Variants in ADGRV1 observed in about 807,000 individuals in gnomAD.
ADGRV1 encodes G-protein coupled receptor 98.
Under a neutral mutation model 596.2 loss-of-function variants are expected in ADGRV1, and 359 were observed. The ratio of observed to expected loss-of-function variants is 0.60; its 90% confidence interval spans 0.55 to 0.66. The LOEUF (loss-of-function observed/expected upper bound fraction) is 0.66. Among genes scored for constraint, ADGRV1 ranks in the 30% least tolerant of loss-of-function variants. The pLI, the probability that ADGRV1 is intolerant of heterozygous loss-of-function variation, is 0.00. For missense variants in ADGRV1, 7,274 were observed against 7,575.6 expected, an observed-to-expected ratio of 0.96 and a Z score of 1.48; for synonymous variants, 2,681 against 2,679.2, an observed-to-expected ratio of 1.00 and a Z score of -0.02.
At chr5:90,768,296 C>T (rs1038365826) in intron 59 of ADGRV1, among the ~76,000 whole-genome samples, 2 of 152,114 alleles carry the variant, frequency 1.3e-5, no homozygotes, top group Non-Finnish European at 2.9e-5. Context: ...AACTGTGTAA[C>T]GGCTCCATTG....
chr5:90,823,536 C>G lies in ADGRV1; in HGVS notation c.16308C>G (p.Thr5436=), dbSNP rs137853917. The part of the protein sequence containing the change: ...LVEELQSVSG[T]TTCTMGQTKC... The stretch of plus-strand genomic sequence containing the variant: ...AGGAACTTCAGTCTGTGTCAGGGAC[C>G]ACAACCTGTACAATGGGTCAAACAA... Residue 5436 remains threonine (T), a synonymous_variant, in exon 76 of 90, where the codon ACC becomes ACG. Coordinates refer to ENST00000405460, the MANE Select transcript of ADGRV1 (RefSeq NM_032119.4). 1.9e-6 allele frequency: 3 copies of G among 1,613,772 alleles called. No homozygotes were observed. Among genetic ancestry groups the G allele is most frequent in the African/African-American group, 1.3e-5 (1 of 74,922 alleles).
chr5:90,740,847 G>A (rs1753871041), intron 50 of ADGRV1, among the ~76,000 whole-genome samples: 1 of 152,172 alleles, frequency 6.6e-6, no homozygotes, highest in African/African-American at 2.4e-5. Context: ...TCTCTTGTGT[G>A]CCGGACTGTG....
chr5:90,823,515 A>G lies in ADGRV1; in HGVS notation c.16287A>G (p.Glu5429=). 6.2e-7 allele frequency: 1 copy of G among 1,613,914 alleles called. No individual in the cohort carries two copies. Among genetic ancestry groups the G allele is most frequent in the Non-Finnish European group, 8.5e-7 (1 of 1,179,798 alleles). Residue 5429 remains glutamate (E), a synonymous_variant, in exon 76 of 90, where the codon GAA becomes GAG. Transcript: ENST00000405460. The part of the protein sequence containing the change: ...LQKDGVNLVE[E]LQSVSGTTTC... ...AGGATGGGGTAAACCTGGTGGAGGAACTTCAGTCTGTGTCAGGGACCACAA... is the reference window on the plus strand; with the variant it reads ...AGGATGGGGTAAACCTGGTGGAGGAGCTTCAGTCTGTGTCAGGGACCACAA...
chr5:90,777,030 A>G (rs747725561), intron 61 of ADGRV1, among the ~76,000 whole-genome samples: 12 of 152,176 alleles, frequency 7.9e-5, no homozygotes, highest in Admixed American at 4.6e-4. Context: ...ACTGCTATAA[A>G]GAACTGCTTG....
At chr5:90,962,739 A>G (rs1778139366) in intron 83 of ADGRV1, among the ~76,000 whole-genome samples, 2 of 152,326 alleles carry the variant, frequency 1.3e-5, no homozygotes, top group South Asian at 4.1e-4. Flanking sequence ...AATTCCCATA[A>G]TTCAGATAAT....
intron 64 of ADGRV1, among the ~76,000 whole-genome samples, chr5:90,780,368 A>G (rs1057384604): frequency 6.6e-6 from 1 of 152,104 alleles, no homozygotes; most frequent in Non-Finnish European, 1.5e-5. Flanking sequence ...TCAATTTTCT[A>G]ATTTTGCCTT....
chr5:90,569,375 ATATATATATATATTTTTTTTTTTTTTTTT>A (rs1354661606), intron 1 of ADGRV1, among the ~76,000 whole-genome samples: 1 of 20,956 alleles, frequency 4.8e-5, no homozygotes, highest in Admixed American at 6.8e-4. Context: ...ATATATATAT[ATATATATATATATTTTTTTTTTTTTTTTT>A]TTTTTTTTTT....
chr5:90,589,219 G>A (rs1471926736), intron 1 of ADGRV1, among the ~76,000 whole-genome samples: 1 of 152,098 alleles, frequency 6.6e-6, no homozygotes, highest in Admixed American at 6.5e-5. Flanking sequence ...GGAAGTCTGA[G>A]GAGTCATTAC....
At chr5:91,156,656 T>C (rs1429446386) in intron 89 of ADGRV1, among the ~76,000 whole-genome samples, 7 of 152,230 alleles carry the variant, frequency 4.6e-5, no homozygotes, top group East Asian at 1.9e-4. Flanking sequence ...TCCTTACTTA[T>C]AGATTTGTAG....
chr5:90,848,983 A>G (rs1458897351), intron 79 of ADGRV1, among the ~76,000 whole-genome samples, 162 bp downstream of exon 79: 1 of 152,248 alleles, frequency 6.6e-6, no homozygotes, highest in Non-Finnish European at 1.5e-5. Context: ...TGAAGGAAAC[A>G]TAGCAGGTAC....
intron 77 of ADGRV1, among the ~76,000 whole-genome samples, chr5:90,835,282 G>T (rs1282616397): frequency 6.6e-6 from 1 of 152,228 alleles, no homozygotes; most frequent in Non-Finnish European, 1.5e-5. Flanking sequence ...TAATGCTGTT[G>T]CTCTTGCAGA....
intron 1 of ADGRV1, among the ~76,000 whole-genome samples, chr5:90,585,515 C>T (rs914459084): frequency 1.3e-5 from 2 of 152,208 alleles, no homozygotes; most frequent in Non-Finnish European, 2.9e-5. Flanking sequence ...TCACCTCCCA[C>T]AGCAGGGCAA....
intron 1 of ADGRV1, among the ~76,000 whole-genome samples, chr5:90,599,628 A>G (rs924405371): frequency 1.3e-5 from 2 of 152,072 alleles, no homozygotes; most frequent in Admixed American, 6.5e-5. Flanking sequence ...TTTTTTATTT[A>G]TAAACTTCTG....
At chr5:90,796,928 A>AT (rs1451316164) in intron 70 of ADGRV1, among the ~76,000 whole-genome samples, 1 of 152,168 alleles carries the variant, frequency 6.6e-6, no homozygotes, top group Admixed American at 6.6e-5. Flanking sequence ...ATGCTGAGAG[A>AT]TTTTGTCACC....
chr5:90,932,900 T>C (rs573888613), intron 83 of ADGRV1, among the ~76,000 whole-genome samples: 1 of 152,290 alleles, frequency 6.6e-6, no homozygotes, highest in East Asian at 1.9e-4. Context: ...ACTTGCTCAG[T>C]GGCATGTGAA....
intron 70 of ADGRV1, among the ~76,000 whole-genome samples, chr5:90,802,394 A>AT (rs1761470335): frequency 6.6e-6 from 1 of 151,692 alleles, no homozygotes; most frequent in East Asian, 1.9e-4. Flanking sequence ...TTTTATTTTT[A>AT]TTTTTTATTT....
intron 53 of ADGRV1, among the ~76,000 whole-genome samples, chr5:90,751,231 C>T (rs1755214637): frequency 6.6e-6 from 1 of 152,130 alleles, no homozygotes; most frequent in South Asian, 2.1e-4. Flanking sequence ...AGTTGATCCA[C>T]AGGCAATTGC....
chr5:91,041,360 A>G (rs772844258), intron 85 of ADGRV1, among the ~76,000 whole-genome samples: 1 of 152,150 alleles, frequency 6.6e-6, no homozygotes, highest in African/African-American at 2.4e-5. Context: ...GCTGGAAACT[A>G]TCATTCTCAG....
At chr5:90,766,714 T>A (rs1757185627) in intron 59 of ADGRV1, among the ~76,000 whole-genome samples, 1 of 152,212 alleles carries the variant, frequency 6.6e-6, no homozygotes. Context: ...AGTTGGTTTC[T>A]GTAACTTGTA....
Sources: allele counts gnomAD v4.1 joint callset (sites outside exome capture counted in the v4.1 genomes callset), GRCh38; gene constraint gnomAD v4.1.1; transcripts MANE v1.5; gene names NCBI Gene and HGNC (gene_info 2026-07-23, HGNC 2026-07-21).